Variants in KIAA1217 observed in about 807,000 individuals in gnomAD.
The protein encoded by KIAA1217 is sickle tail protein homolog.
In KIAA1217, 88 loss-of-function variants were observed where a neutral mutation model predicts 163.9. The observed-to-expected ratio is 0.54, with a 90% CI of 0.45 to 0.64. KIAA1217 has a LOEUF of 0.64. Ranked by LOEUF, KIAA1217 falls within the 30% of genes least tolerant of loss-of-function variation. KIAA1217 has a pLI of 0.00. For missense variants in KIAA1217, 2,372 were observed against 2,475.0 expected (o/e 0.96, Z 0.88); for synonymous variants, 903 against 923.1 (o/e 0.98, Z 0.39).
chr10:23,844,177 T>C (rs186611357), intron 1 of KIAA1217, among the ~76,000 whole-genome samples: 121 of 152,316 alleles, frequency 7.9e-4, no homozygotes, highest in African/African-American at 2.8e-3. Context: ...TTGAGCCTTC[T>C]GGTATATTTT....
chr10:24,414,884 G>T (rs914510743), intron 3 of KIAA1217, among the ~76,000 whole-genome samples: 1 of 152,188 alleles, frequency 6.6e-6, no homozygotes, highest in African/African-American at 2.4e-5. Context: ...CATGTGTGAT[G>T]CCTCTTAAAT....
chr10:24,255,678 G>A (rs896621784), intron 2 of KIAA1217: 1 of 327,742 alleles, frequency 3.1e-6, no homozygotes, highest in African/African-American at 2.2e-5. Context: ...CTAACTATCT[G>A]GACAGCTCAC....
intron 1 of KIAA1217, among the ~76,000 whole-genome samples, chr10:23,984,711 T>C (rs988832971): frequency 2.0e-5 from 3 of 151,782 alleles, no homozygotes; most frequent in Non-Finnish European, 2.9e-5. Context: ...GAGTTGAACA[T>C]TGAGAACACA....
At chr10:23,844,270 C>T (rs1485769661) in intron 1 of KIAA1217, among the ~76,000 whole-genome samples, 16 of 152,100 alleles carry the variant, frequency 1.1e-4, no homozygotes, top group Admixed American at 1.0e-3. Context: ...TCTATCTTCC[C>T]TTTTATTCTC....
chr10:24,501,667 C>G, intron 9 of KIAA1217, 122 bp downstream of exon 9: 2 of 696,940 alleles, frequency 2.9e-6, no homozygotes, highest in South Asian at 2.1e-5. Context: ...GGCTTCCTCT[C>G]TCACACACAC....
chr10:24,508,303 C>A (rs2068633816), intron 9 of KIAA1217, among the ~76,000 whole-genome samples: 1 of 152,082 alleles, frequency 6.6e-6, no homozygotes, highest in Admixed American at 6.6e-5. Context: ...AATTTAGCAT[C>A]AATGATAAAA....
chr10:24,129,546 T>A (rs1381749418), intron 2 of KIAA1217, among the ~76,000 whole-genome samples: 4 of 152,092 alleles, frequency 2.6e-5, no homozygotes, highest in African/African-American at 4.8e-5. Flanking sequence ...TCTAGAACAG[T>A]TATACTTCAT....
chr10:23,838,343 G>A (rs1015766363), intron 1 of KIAA1217, among the ~76,000 whole-genome samples: 1 of 152,042 alleles, frequency 6.6e-6, no homozygotes. Flanking sequence ...ACATTTTGTT[G>A]TAAACATCCC....
chr10:23,735,548 G>A (rs568596544), intron 1 of KIAA1217, among the ~76,000 whole-genome samples: 10 of 151,746 alleles, frequency 6.6e-5, no homozygotes, highest in Non-Finnish European at 1.2e-4. Flanking sequence ...TAAGAGTGTG[G>A]CATCTTCTTG....
At chr10:23,788,604 G>A (rs1017241343) in intron 1 of KIAA1217, among the ~76,000 whole-genome samples, 1 of 152,110 alleles carries the variant, frequency 6.6e-6, no homozygotes, top group Non-Finnish European at 1.5e-5. Flanking sequence ...ATTAATGGAA[G>A]GTCAGATGGC....
Position 24,276,256 on chromosome 10 carries a change from A to G in KIAA1217, c.354+56347A>G, listed in dbSNP as rs77206146. Among the ~76,000 whole-genome samples the G allele has an allele frequency of 7.4e-3, 1,122 of 152,318 alleles. 7 individuals carry two copies. Among genetic ancestry groups the G allele is most frequent in the Non-Finnish European group, 0.013 (857 of 68,028 alleles). ...CATCTTATTGATGCCATTGAACAGA[A>G]CGCAGAAACACAAAGGGATTTATAA... is the stretch of plus-strand genomic sequence containing the variant. On this transcript the variant is annotated intron_variant, in intron 2 of 20. Transcript: ENST00000376454.
At chr10:24,226,898 A>C (rs1277971936) in intron 2 of KIAA1217, among the ~76,000 whole-genome samples, 1 of 152,038 alleles carries the variant, frequency 6.6e-6, no homozygotes, top group Non-Finnish European at 1.5e-5. Context: ...ATGGCTTCTT[A>C]CTTGCAGAAA....
intron 5 of KIAA1217, among the ~76,000 whole-genome samples, chr10:24,472,534 G>A (rs1014050798): frequency 1.4e-4 from 22 of 152,282 alleles, no homozygotes; most frequent in South Asian, 1.0e-3. Context: ...AAGACTCAGC[G>A]TGAGCACTAT....
intron 3 of KIAA1217, among the ~76,000 whole-genome samples, chr10:24,382,514 A>G (rs991453128): frequency 1.3e-5 from 2 of 151,728 alleles, no homozygotes; most frequent in African/African-American, 4.9e-5. Flanking sequence ...AATTTTGATC[A>G]AATTAAGATC....
At chr10:24,144,142 G>T (rs61850365) in intron 2 of KIAA1217, among the ~76,000 whole-genome samples, 1,934 of 152,318 alleles carry the variant, frequency 0.013, 25 homozygotes, top group Non-Finnish European at 0.018. Context: ...TTACAAGAAT[G>T]ATTCTGTGTT....
intron 2 of KIAA1217, among the ~76,000 whole-genome samples, chr10:24,011,841 G>A (rs1320339959): frequency 1.3e-5 from 2 of 152,122 alleles, no homozygotes; most frequent in African/African-American, 4.8e-5. Flanking sequence ...TTGATGTGGT[G>A]GAACAATCAT....
chr10:24,405,199 C>G (rs1393214156), intron 3 of KIAA1217, among the ~76,000 whole-genome samples: 1 of 152,128 alleles, frequency 6.6e-6, no homozygotes, highest in East Asian at 1.9e-4. Context: ...GCCAGTGACC[C>G]AGTTTTGTTA....
intron 1 of KIAA1217, among the ~76,000 whole-genome samples, chr10:23,873,545 C>A (rs1840556774): frequency 6.6e-6 from 1 of 152,016 alleles, no homozygotes; most frequent in East Asian, 1.9e-4. Flanking sequence ...GTAAACGGAT[C>A]TAAGCAATGT....
In KIAA1217 at chr10:23,789,924, TGTATATATACACATATACATATAC is replaced by T. The variant is rs1461622941; in HGVS notation, c.-321+94691_-321+94714del. ...ATATACATATACATATGCATATACATGTATATATACACATATACATATACATGTATATATACACATATACATATA... is the reference window on the plus strand; with the variant it reads ...ATATACATATACATATGCATATACATATGTATATATACACATATACATATA... On this transcript the variant is annotated intron_variant, in intron 1 of 18. Transcript: ENST00000376462. Among the ~76,000 whole-genome samples, 29 of 145,620 alleles carry T rather than the reference TGTATATATACACATATACATATAC, an allele frequency of 2.0e-4. 2 individuals are homozygous for T. Among genetic ancestry groups the T allele is most frequent in the African/African-American group, 7.6e-4 (29 of 38,228 alleles).
Sources: allele counts gnomAD v4.1 joint callset (sites outside exome capture counted in the v4.1 genomes callset), GRCh38; gene constraint gnomAD v4.1.1; transcripts MANE v1.5; gene names NCBI Gene and HGNC (gene_info 2026-07-23, HGNC 2026-07-21).